HS6ST2: variants seen among roughly 807,000 people sequenced by gnomAD.
The protein encoded by HS6ST2 is heparan sulfate 6-O-sulfotransferase 2.
A neutral mutation model predicts 33.0 loss-of-function variants in HS6ST2; 17 were observed. The observed-to-expected ratio is 0.52, with a 90% CI of 0.35 to 0.77. The LOEUF (loss-of-function observed/expected upper bound fraction) is 0.77. Ranked by LOEUF, HS6ST2 falls within the 30% of genes least tolerant of loss-of-function variation. The pLI is 0.01. For synonymous variants in HS6ST2, 248 were observed against 237.1 expected (o/e 1.05, Z -0.42); for missense variants, 519 against 551.7 (o/e 0.94, Z 0.59).
At chrX:132,748,202 C>G (rs896130762) in intron 2 of HS6ST2, among the ~76,000 whole-genome samples, 3 of 111,629 alleles carry the variant, frequency 2.7e-5, no homozygotes, top group Non-Finnish European at 5.6e-5. Context: ...AAAGTGATCC[C>G]AAATCCTATA....
At chrX:132,956,679 C>A in intron 2 of HS6ST2, 129 bp downstream of exon 2, 1 of 818,533 alleles carries the variant, frequency 1.2e-6, no homozygotes, top group Non-Finnish European at 1.6e-6. Context: ...GCGCCCAGCA[C>A]CTGCCCAGCC....
intron 2 of HS6ST2, among the ~76,000 whole-genome samples, chrX:132,865,359 T>C (rs2065962073): frequency 9.0e-6 from 1 of 111,155 alleles, no homozygotes; most frequent in African/African-American, 3.3e-5. Flanking sequence ...TGCCACATTT[T>C]CTTTATCCAG....
intron 3 of HS6ST2, among the ~76,000 whole-genome samples, chrX:132,689,540 AAGC>A (rs2064044357): frequency 8.9e-6 from 1 of 112,162 alleles, no homozygotes; most frequent in African/African-American, 3.2e-5. Context: ...AATTACTGGG[AAGC>A]TTAATATTAC....
chrX:132,670,035 A>G (rs977032850), intron 3 of HS6ST2: 4 of 111,865 alleles, frequency 3.6e-5, no homozygotes, highest in Non-Finnish European at 7.5e-5. Flanking sequence ...ATGGAAACCA[A>G]TTCAAAGCCT....
chrX:132,952,763 T>C lies in HS6ST2; in HGVS notation c.947+4045A>G, dbSNP rs147182836. ...CAGATGCCTCAGCCTGCTCCCATCCTGCTCAGCTTTGCAGGGATTCCCAAT... is the reference window on the plus strand; with the variant it reads ...CAGATGCCTCAGCCTGCTCCCATCCCGCTCAGCTTTGCAGGGATTCCCAAT... On this transcript the variant is annotated intron_variant, in intron 2 of 4. Coordinates refer to ENST00000370833, the MANE Select transcript of HS6ST2 (RefSeq NM_001394073.1). Among the ~76,000 whole-genome samples the C allele has an allele frequency of 6.4e-3, 710 of 111,507 alleles. 4 individuals are homozygous for C. The highest frequency in any genetic ancestry group is 0.011 in the Non-Finnish European group (569 of 53,109).
chrX:132,638,147 A>G (rs2063575975), intron 4 of HS6ST2, among the ~76,000 whole-genome samples: 1 of 103,832 alleles, frequency 9.6e-6, no homozygotes, highest in Non-Finnish European at 1.9e-5. Context: ...AATGAAGTCT[A>G]AAGCAACCAC....
At chrX:132,739,715 A>C (rs1295060951) in intron 2 of HS6ST2, among the ~76,000 whole-genome samples, 5 of 96,122 alleles carry the variant, frequency 5.2e-5, no homozygotes, top group Non-Finnish European at 8.4e-5. Context: ...ACTCCATTTC[A>C]AAAAAAAAAA....
chrX:132,854,926 C>T (rs1226719809), intron 2 of HS6ST2, among the ~76,000 whole-genome samples: 2 of 112,242 alleles, frequency 1.8e-5, no homozygotes, highest in East Asian at 5.6e-4. Context: ...TTGTGCATTC[C>T]GTCTGGCCTT....
At chrX:132,958,139 C>G (rs2067107716) in intron 1 of HS6ST2, 36 bp downstream of exon 1, 1 of 1,091,512 alleles carries the variant, frequency 9.2e-7, no homozygotes, top group Admixed American at 3.4e-5. Flanking sequence ...GCGCCCTGGC[C>G]TGGGAGCGCG....
At chrX:132,913,684 T>A (rs758905412) in intron 2 of HS6ST2, among the ~76,000 whole-genome samples, 67 of 111,623 alleles carry the variant, frequency 6.0e-4, no homozygotes, top group Admixed American at 2.6e-3. Context: ...GCTGCAGAGG[T>A]CTCCAGCTGG....
chrX:132,862,212 C>T (rs182210822), intron 2 of HS6ST2, among the ~76,000 whole-genome samples: 15 of 112,118 alleles, frequency 1.3e-4, no homozygotes, highest in African/African-American at 4.9e-4. Context: ...CATACCTGTA[C>T]ATTTTTTCTT....
At chrX:132,880,023 A>G (rs1421435527) in intron 2 of HS6ST2, among the ~76,000 whole-genome samples, 1 of 111,744 alleles carries the variant, frequency 8.9e-6, no homozygotes, top group Non-Finnish European at 1.9e-5. Flanking sequence ...TGTACCTAAC[A>G]GAGAAGCCCC....
At chrX:132,876,664 G>A (rs1048746504) in intron 2 of HS6ST2, among the ~76,000 whole-genome samples, 2 of 110,461 alleles carry the variant, frequency 1.8e-5, no homozygotes, top group Non-Finnish European at 3.8e-5. Context: ...TGGTGGGAGG[G>A]GGGTGAGAGA....
At chrX:132,770,033 G>C (rs921525174) in intron 2 of HS6ST2, among the ~76,000 whole-genome samples, 1 of 111,999 alleles carries the variant, frequency 8.9e-6, no homozygotes, top group African/African-American at 3.2e-5. Context: ...TTTTGCATTT[G>C]TTACTTCATT....
chrX:132,855,586 T>C (rs2065845979), intron 2 of HS6ST2, among the ~76,000 whole-genome samples: 1 of 111,807 alleles, frequency 8.9e-6, no homozygotes, highest in Non-Finnish European at 1.9e-5. Flanking sequence ...GCTGGAGGAC[T>C]GGAGAAGGGA....
intron 2 of HS6ST2, among the ~76,000 whole-genome samples, chrX:132,795,196 G>A (rs1051422631): frequency 1.8e-5 from 2 of 111,540 alleles, no homozygotes; most frequent in African/African-American, 3.3e-5. Flanking sequence ...TACCAACCAC[G>A]AATCTGCTTT....
chrX:132,828,002 G>A lies in HS6ST2; in HGVS notation c.948-119508C>T, dbSNP rs190011912. Reference sequence around the variant, plus strand: ...TATTTACTGTCTGAACCTGTATTTCGAACTCAATTGACCAAAACAAACATA... The same window carrying A: ...TATTTACTGTCTGAACCTGTATTTCAAACTCAATTGACCAAAACAAACATA... On this transcript the variant is annotated intron_variant, in intron 2 of 4. Coordinates refer to ENST00000370833, the MANE Select transcript of HS6ST2 (RefSeq NM_001394073.1). 1.1e-3 allele frequency among the ~76,000 whole-genome samples: 126 copies of A among 111,507 alleles called. 1 individual carries two copies. Among genetic ancestry groups the A allele is most frequent in the Non-Finnish European group, 2.0e-3 (108 of 53,084 alleles).
intron 2 of HS6ST2, among the ~76,000 whole-genome samples, chrX:132,788,241 C>T (rs1003958411): frequency 3.6e-5 from 4 of 111,777 alleles, no homozygotes; most frequent in Non-Finnish European, 7.5e-5. Flanking sequence ...CTTCATGTCT[C>T]TGTGTTACAT....
chrX:132,916,589 GC>G (rs2066594623), intron 2 of HS6ST2, among the ~76,000 whole-genome samples: 3 of 112,147 alleles, frequency 2.7e-5, no homozygotes, highest in African/African-American at 9.7e-5. Context: ...CTGGCTGCCA[GC>G]GTGGCTAGAA....
Sources: gnomAD v4.1 joint callset for allele counts (sites outside exome capture counted in the v4.1 genomes callset) on GRCh38, gnomAD v4.1.1 for gene constraint, MANE v1.5 for transcripts, NCBI Gene and HGNC (gene_info 2026-07-23, HGNC 2026-07-21) for gene names.